Variants in DLG2 observed in about 807,000 individuals in gnomAD.
DLG2 encodes the protein disks large homolog 2.
DLG2 carries 45 observed loss-of-function variants against 132.5 expected under a neutral mutation model. The ratio of observed to expected loss-of-function variants is 0.34; its 90% CI spans 0.27 to 0.44. The LOEUF is 0.44. DLG2 is among the 20% of genes least tolerant of loss of function. The pLI is 1.00. For missense variants in DLG2, 1,045 were observed against 1,196.9 expected, an observed-to-expected ratio of 0.87 and a Z score of 1.87; for synonymous variants, 424 against 419.6, an observed-to-expected ratio of 1.01 and a Z score of -0.13.
intron 3 of DLG2, among the ~76,000 whole-genome samples, chr11:85,520,917 A>G (rs1118578): frequency 0.18 from 27,143 of 152,120 alleles, 2,701 homozygotes; most frequent in East Asian, 0.31. Flanking sequence ...ATTACTAAAA[A>G]AAAACATCAG....
chr11:84,964,405 C>T (rs2053034074), intron 6 of DLG2, among the ~76,000 whole-genome samples: 1 of 151,962 alleles, frequency 6.6e-6, no homozygotes, highest in African/African-American at 2.4e-5. Context: ...AATATTACCA[C>T]CATTAAATTT....
intron 19 of DLG2, among the ~76,000 whole-genome samples, chr11:83,553,558 T>C (rs1295064523): frequency 6.6e-6 from 1 of 151,238 alleles, no homozygotes; most frequent in Non-Finnish European, 1.5e-5. Context: ...TGCTATTACA[T>C]ATTGTAAGTC....
chr11:84,597,862 T>C (rs908845098), intron 6 of DLG2, among the ~76,000 whole-genome samples: 2 of 151,988 alleles, frequency 1.3e-5, no homozygotes, highest in African/African-American at 2.4e-5. Flanking sequence ...AACAACAAAA[T>C]CCATTTAATG....
At chr11:84,621,357 G>T (rs1227223796) in intron 6 of DLG2, among the ~76,000 whole-genome samples, 1 of 152,084 alleles carries the variant, frequency 6.6e-6, no homozygotes, top group East Asian at 1.9e-4. Context: ...TTAATTAGGA[G>T]ATTATTTTCA....
chr11:84,931,935 A>G (rs779369125), intron 6 of DLG2, among the ~76,000 whole-genome samples: 33 of 152,250 alleles, frequency 2.2e-4, no homozygotes, highest in African/African-American at 7.7e-4. Flanking sequence ...GCGTCTGTTC[A>G]TGTCCTTTGC....
chr11:84,464,433 T>C (rs1454109680), intron 7 of DLG2, among the ~76,000 whole-genome samples: 8 of 151,246 alleles, frequency 5.3e-5, no homozygotes, highest in South Asian at 2.1e-4. Context: ...AGTTATGTGA[T>C]AGAGCACAGA....
At chr11:83,620,846 G>A (rs1233917) in intron 19 of DLG2, among the ~76,000 whole-genome samples, 43,111 of 133,572 alleles carry the variant, frequency 0.32, 7,510 homozygotes, top group East Asian at 0.5. Context: ...CTCCAGCCTG[G>A]GCGACAGAGC....
At chr11:85,354,057 T>G (rs1392183259) in intron 3 of DLG2, among the ~76,000 whole-genome samples, 1 of 151,928 alleles carries the variant, frequency 6.6e-6, no homozygotes, top group African/African-American at 2.4e-5. Context: ...AGTATTTCAC[T>G]TGGAGGAATC....
intron 11 of DLG2, among the ~76,000 whole-genome samples, chr11:84,016,117 G>A (rs951051958): frequency 4.0e-5 from 6 of 151,802 alleles, no homozygotes; most frequent in Admixed American, 3.9e-4. Flanking sequence ...TTTTATTTGC[G>A]TTTCTCTAAT....
intron 18 of DLG2, among the ~76,000 whole-genome samples, chr11:83,768,833 A>G (rs1302988259): frequency 6.6e-6 from 1 of 152,158 alleles, no homozygotes; most frequent in East Asian, 1.9e-4. Flanking sequence ...GGACCCAGAG[A>G]TTGGCAGTTA....
chr11:84,009,351 G>C (rs1260712530), intron 11 of DLG2, among the ~76,000 whole-genome samples: 2 of 151,898 alleles, frequency 1.3e-5, no homozygotes, highest in African/African-American at 4.8e-5. Flanking sequence ...AATGATTCTA[G>C]AGGTGAAAAT....
intron 3 of DLG2, among the ~76,000 whole-genome samples, chr11:85,403,916 T>C (rs1387098109): frequency 6.6e-6 from 1 of 151,946 alleles, no homozygotes; most frequent in Non-Finnish European, 1.5e-5. Context: ...AAAAGAAGTT[T>C]CTAATGTAGA....
chr11:84,923,421 TAA>T (rs566663763), intron 6 of DLG2: 21 of 775,206 alleles, frequency 2.7e-5, no homozygotes, highest in Non-Finnish European at 2.6e-5. Flanking sequence ...ATCACTGGAT[TAA>T]AAAAAAAAAA....
intron 6 of DLG2, among the ~76,000 whole-genome samples, chr11:84,895,929 C>T (rs1300593317): frequency 2.0e-5 from 3 of 152,072 alleles, no homozygotes; most frequent in Non-Finnish European, 4.4e-5. Flanking sequence ...TACCACTTAG[C>T]AGACTTGCAG....
At chr11:84,415,116 C>G (rs973067932) in intron 7 of DLG2, among the ~76,000 whole-genome samples, 1 of 152,142 alleles carries the variant, frequency 6.6e-6, no homozygotes, top group Non-Finnish European at 1.5e-5. Flanking sequence ...TAAAGGCAAA[C>G]AGCTTTTATT....
intron 3 of DLG2, among the ~76,000 whole-genome samples, chr11:85,463,907 G>C (rs2092695862): frequency 6.6e-6 from 1 of 151,096 alleles, no homozygotes; most frequent in African/African-American, 2.4e-5. Flanking sequence ...TTTGTAGATA[G>C]CTACTACACA....
chr11:85,226,820 C>G (rs1411167819), intron 4 of DLG2, among the ~76,000 whole-genome samples: 3 of 152,140 alleles, frequency 2.0e-5, no homozygotes, highest in Non-Finnish European at 4.4e-5. Flanking sequence ...TGTACCCTAT[C>G]CCTGCTCTTT....
intron 4 of DLG2, among the ~76,000 whole-genome samples, chr11:85,218,613 G>C (rs1469253139): frequency 6.6e-6 from 1 of 152,172 alleles, no homozygotes; most frequent in Non-Finnish European, 1.5e-5. Flanking sequence ...ATACACTATT[G>C]TTGAGAATGT....
At chr11:83,524,782 G>T (rs1486406944) in intron 21 of DLG2, among the ~76,000 whole-genome samples, 1 of 152,052 alleles carries the variant, frequency 6.6e-6, no homozygotes, top group Non-Finnish European at 1.5e-5. Context: ...GCTGTTTCCT[G>T]ATTTCTGCCA....
Sources: allele counts gnomAD v4.1 joint callset (sites outside exome capture counted in the v4.1 genomes callset), GRCh38; gene constraint gnomAD v4.1.1; transcripts MANE v1.5; gene names NCBI Gene and HGNC (gene_info 2026-07-23, HGNC 2026-07-21).